Variants in GALNT10 observed in about 807,000 individuals in gnomAD.
GALNT10 encodes the protein GalNAc transferase 10.
GALNT10 carries 41 observed loss-of-function variants against 75.0 expected under a neutral mutation model. That is an observed-to-expected ratio of 0.55 (90% CI 0.43 to 0.71). The LOEUF (loss-of-function observed/expected upper bound fraction) is 0.71. GALNT10 is among the 30% of genes least tolerant of loss of function. The pLI, the probability that GALNT10 is intolerant of heterozygous loss-of-function variation, is 0.00. For synonymous variants in GALNT10, 302 were observed against 313.0 expected, an observed-to-expected ratio of 0.96 and a Z score of 0.37; for missense variants, 727 against 818.5, an observed-to-expected ratio of 0.89 and a Z score of 1.36.
intron 1 of GALNT10, among the ~76,000 whole-genome samples, chr5:154,291,097 G>A (rs908847889): frequency 6.6e-6 from 1 of 152,132 alleles, no homozygotes; most frequent in African/African-American, 2.4e-5. Context: ...GTGGAGTTAG[G>A]TATGAAACTC....
At chr5:154,347,605 TC>T (rs374932183) in intron 4 of GALNT10, among the ~76,000 whole-genome samples, 201 of 152,012 alleles carry the variant, frequency 1.3e-3, no homozygotes, top group African/African-American at 4.6e-3. Flanking sequence ...CAAGTGATCC[TC>T]CCGCCTCTGC....
chr5:154,193,649 G>A (rs1774894942), intron 1 of GALNT10, among the ~76,000 whole-genome samples: 1 of 152,228 alleles, frequency 6.6e-6, no homozygotes, highest in Non-Finnish European at 1.5e-5. Flanking sequence ...AGGGAAGTCT[G>A]ACAGGACTTT....
chr5:154,377,467 G>T (rs1333700308), intron 5 of GALNT10, among the ~76,000 whole-genome samples: 1 of 152,244 alleles, frequency 6.6e-6, no homozygotes, highest in African/African-American at 2.4e-5. Flanking sequence ...TCACCTGAAA[G>T]ACTGTGAAAA....
intron 7 of GALNT10, among the ~76,000 whole-genome samples, chr5:154,394,974 T>G (rs1330981108): frequency 6.6e-6 from 1 of 152,220 alleles, no homozygotes; most frequent in African/African-American, 2.4e-5. Context: ...CTCATGACTC[T>G]CGGCAAGTCA....
At chr5:154,287,096 C>T (rs1490628760) in intron 1 of GALNT10, among the ~76,000 whole-genome samples, 1 of 152,192 alleles carries the variant, frequency 6.6e-6, no homozygotes, top group Non-Finnish European at 1.5e-5. Flanking sequence ...CATCTTTCTC[C>T]TTGCATTTCT....
At chr5:154,227,973 A>G (rs1490417598) in intron 1 of GALNT10, among the ~76,000 whole-genome samples, 3 of 152,076 alleles carry the variant, frequency 2.0e-5, no homozygotes, top group Non-Finnish European at 4.4e-5. Flanking sequence ...TGCTGTCTTC[A>G]TGATAGTGAG....
At chr5:154,283,970 CA>C (rs1474476417) in intron 1 of GALNT10, among the ~76,000 whole-genome samples, 1 of 152,182 alleles carries the variant, frequency 6.6e-6, no homozygotes, top group Non-Finnish European at 1.5e-5. Context: ...CTGGGATCCA[CA>C]AGGAAGGATA....
rs878985121 is a variant in GALNT10 at position 154,338,180 on chromosome 5, A to G, written c.568+8442A>G. 1.8e-4 allele frequency: 142 copies of G among 776,312 alleles called. 1 individual carries two copies. The highest frequency in any genetic ancestry group is 1.8e-3 in the South Asian group (135 of 74,730). 48.1% of individuals were successfully genotyped at this position (776,312 alleles called of 1,614,324 possible). A position where few individuals can be genotyped will look rare whatever the true frequency, so the allele number is the denominator to read the frequency against. On this transcript the variant is annotated intron_variant, in intron 4 of 11. Transcript: ENST00000297107. ...TGAGACAGCTCTCTTTGGTTCTGCA[A>G]CTCTTCCATCCACTTTGTGTGGCCT...
chr5:154,219,189 G>A (rs1322970161), intron 1 of GALNT10, among the ~76,000 whole-genome samples: 1 of 152,306 alleles, frequency 6.6e-6, no homozygotes, highest in South Asian at 2.1e-4. Context: ...CTCTACCTGG[G>A]TCCCCAGGCC....
In GALNT10 at chr5:154,413,738, C is replaced by A. The variant is rs577815710; in HGVS notation, c.1503+733C>A. Among the ~76,000 whole-genome samples the A allele has an allele frequency of 3.3e-5, 5 of 152,328 alleles. No homozygotes were observed. The East Asian group carries it at 9.6e-4, about 29-fold the overall frequency. On this transcript the variant is annotated intron_variant, in intron 10 of 11. Coordinates refer to ENST00000297107, the MANE Select transcript of GALNT10 (RefSeq NM_198321.4). ...GAGGTTACAGTGATTGTGCCATGCA[C>A]TGCAGCCTGGGTGGAGTGACATTGG...
intron 4 of GALNT10, among the ~76,000 whole-genome samples, chr5:154,369,123 C>T (rs934181178): frequency 6.6e-5 from 10 of 152,166 alleles, no homozygotes; most frequent in Non-Finnish European, 1.0e-4. Flanking sequence ...TACAGTGGCT[C>T]ATGCCTGTAA....
chr5:154,272,301 T>C (rs114234364), intron 1 of GALNT10, among the ~76,000 whole-genome samples: 3,301 of 152,294 alleles, frequency 0.022, 69 homozygotes, highest in Non-Finnish European at 0.035. Context: ...TGATCGGTAG[T>C]GGCTTAAACT....
intron 4 of GALNT10, among the ~76,000 whole-genome samples, chr5:154,371,465 C>T (rs1326882231): frequency 1.0e-4 from 15 of 149,292 alleles, no homozygotes; most frequent in Admixed American, 9.4e-4. Flanking sequence ...AAGAACCCTT[C>T]AGACCAGACA....
chr5:154,231,615 G>C (rs1431528692), intron 1 of GALNT10, among the ~76,000 whole-genome samples: 2 of 152,138 alleles, frequency 1.3e-5, no homozygotes, highest in Non-Finnish European at 2.9e-5. Context: ...GCCTCTCTCT[G>C]CCCAGGGGTA....
intron 1 of GALNT10, among the ~76,000 whole-genome samples, chr5:154,223,604 G>T (rs1312053405): frequency 1.3e-5 from 2 of 152,218 alleles, no homozygotes; most frequent in East Asian, 1.9e-4. Flanking sequence ...TGGCAACAAA[G>T]ATGACAGAAA....
chr5:154,363,918 A>G (rs185258310), intron 4 of GALNT10, among the ~76,000 whole-genome samples: 1 of 152,328 alleles, frequency 6.6e-6, no homozygotes, highest in African/African-American at 2.4e-5. Flanking sequence ...GCAGCAAATG[A>G]CAAGCAAAAT....
intron 4 of GALNT10, chr5:154,337,954 C>G: frequency 6.4e-7 from 1 of 1,574,188 alleles, no homozygotes; most frequent in South Asian, 1.1e-5. Context: ...GTCTTATCCA[C>G]GGAGTCATGG....
chr5:154,266,102 C>A (rs1316453187), intron 1 of GALNT10, among the ~76,000 whole-genome samples: 1 of 152,084 alleles, frequency 6.6e-6, no homozygotes, highest in African/African-American at 2.4e-5. Context: ...ATATATGTAA[C>A]ATGAAAACAA....
chr5:154,308,975 TG>T (rs1561657027), intron 3 of GALNT10, among the ~76,000 whole-genome samples: 3 of 151,976 alleles, frequency 2.0e-5, no homozygotes, highest in Middle Eastern at 3.4e-3. Flanking sequence ...GGGGTAGGGG[TG>T]GGAGAGTCAT....
Sources: gnomAD v4.1 joint callset for allele counts (sites outside exome capture counted in the v4.1 genomes callset) on GRCh38, gnomAD v4.1.1 for gene constraint, MANE v1.5 for transcripts, NCBI Gene and HGNC (gene_info 2026-07-23, HGNC 2026-07-21) for gene names.